The following TLCD4 variants were observed in gnomAD, a reference collection of about 807,000 sequenced individuals.
The protein encoded by TLCD4 is TLC domain containing 4.
A neutral mutation model predicts 24.2 loss-of-function variants in TLCD4; 7 were observed. The observed-to-expected ratio is 0.29, with a 90% confidence interval of 0.16 to 0.54. The LOEUF is 0.54. Ranked by LOEUF, TLCD4 falls within the 20% of genes least tolerant of loss-of-function variation. The pLI is 0.95. For synonymous variants in TLCD4, 103 were observed against 106.4 expected, an observed-to-expected ratio of 0.97 and a Z score of 0.20; for missense variants, 259 against 313.9, an observed-to-expected ratio of 0.82 and a Z score of 1.32.
intron 3 of TLCD4, 148 bp downstream of exon 3, chr1:95,148,939 C>A: frequency 8.7e-7 from 1 of 1,145,182 alleles, no homozygotes; most frequent in Non-Finnish European, 1.2e-6. Flanking sequence ...TAGCAAAGTG[C>A]ATTTAAATGA....
chr1:95,097,659 C>T, the TLCD4 span, among the ~76,000 whole-genome samples: 1 of 152,228 alleles, frequency 6.6e-6, no homozygotes, highest in Non-Finnish European at 1.5e-5. Flanking sequence ...CACCAGGAAT[C>T]AGGAACAGAG....
chr1:95,110,140 T>C, the TLCD4 span, among the ~76,000 whole-genome samples: 12 of 150,976 alleles, frequency 7.9e-5, no homozygotes, highest in African/African-American at 2.4e-4. Context: ...TATATATATT[T>C]CACTTGATTT....
intron 5 of TLCD4, among the ~76,000 whole-genome samples, chr1:95,171,131 T>TA (rs1678204837): frequency 6.6e-6 from 1 of 152,176 alleles, no homozygotes; most frequent in South Asian, 2.1e-4. Context: ...TAAATTTTTG[T>TA]ATAGAGATGG....
chr1:95,169,392 A>C (rs1678130576), intron 5 of TLCD4, among the ~76,000 whole-genome samples: 1 of 152,210 alleles, frequency 6.6e-6, no homozygotes, highest in Non-Finnish European at 1.5e-5. Context: ...AATTCAAGAG[A>C]CAATTTCCTC....
the TLCD4 span, among the ~76,000 whole-genome samples, chr1:95,108,126 T>C: frequency 6.6e-6 from 1 of 152,146 alleles, no homozygotes; most frequent in Non-Finnish European, 1.5e-5. Context: ...GTCTTTTTCT[T>C]CTTTGATATA....
chr1:95,138,939 G>C (rs1677119945), intron 1 of TLCD4, among the ~76,000 whole-genome samples: 1 of 151,066 alleles, frequency 6.6e-6, no homozygotes, highest in Non-Finnish European at 1.5e-5. Flanking sequence ...TGTAATCCCA[G>C]TGGTTTGGGA....
At chr1:95,100,055 G>A in the TLCD4 span, among the ~76,000 whole-genome samples, 7,091 of 151,760 alleles carry the variant, frequency 0.047, 216 homozygotes, top group Non-Finnish European at 0.071. Flanking sequence ...TGGGAGGATC[G>A]CTTGAGCCTA....
At chr1:95,102,220 A>G in the TLCD4 span, among the ~76,000 whole-genome samples, 2 of 152,196 alleles carry the variant, frequency 1.3e-5, no homozygotes, top group Non-Finnish European at 2.9e-5. Flanking sequence ...TGTGTGAAAC[A>G]TGTGGTACTG....
chr1:95,176,696 G>A (rs1162967604), intron 6 of TLCD4, among the ~76,000 whole-genome samples: 1 of 152,038 alleles, frequency 6.6e-6, no homozygotes, highest in African/African-American at 2.4e-5. Flanking sequence ...TGTGCTTTTG[G>A]TATCATATCC....
chr1:95,100,683 A>G, the TLCD4 span, among the ~76,000 whole-genome samples: 1 of 152,174 alleles, frequency 6.6e-6, no homozygotes, highest in South Asian at 2.1e-4. Context: ...CCATTTTACA[A>G]CTCAGTATAA....
intron 5 of TLCD4, among the ~76,000 whole-genome samples, chr1:95,156,219 G>A (rs1205940998): frequency 6.6e-6 from 1 of 152,026 alleles, no homozygotes; most frequent in East Asian, 1.9e-4. Context: ...AGATAGATGG[G>A]ATTTAAACCC....
rs1386192173 is a variant in TLCD4, at chr1:95,168,698, C to T, written c.400-5118C>T. On this transcript the variant is annotated intron_variant, in intron 5 of 6. Coordinates refer to ENST00000370203, the MANE Select transcript of TLCD4 (RefSeq NM_152487.3). ...AGCCAAAGGCTAATATTCTGATAAT[C>T]CTCTCTCCCACTCAGAAATAGGCCT... Among the ~76,000 whole-genome samples, 9 of 151,484 alleles carry T rather than the reference C, an allele frequency of 5.9e-5. No individual in the cohort carries two copies. The East Asian group carries it at 1.6e-3, about 26-fold the overall frequency.
In TLCD4 at chr1:95,194,567, T is replaced by A. The variant is rs1163458887; in HGVS notation, c.*2699T>A. On this transcript the variant is annotated 3_prime_UTR_variant, in exon 7 of 7. Coordinates refer to ENST00000370203, the MANE Select transcript of TLCD4 (RefSeq NM_152487.3). Reference sequence around the variant, plus strand: ...GATATTTAACAACTCTATTAAAATATTTATAGAAAAATAAAAGCAAATTGA... The same window carrying A: ...GATATTTAACAACTCTATTAAAATAATTATAGAAAAATAAAAGCAAATTGA... 4 of 152,126 alleles carry A rather than the reference T, an allele frequency of 2.6e-5. No individual in the cohort carries two copies. Among genetic ancestry groups the A allele is most frequent in the African/African-American group, 9.6e-5 (4 of 41,456 alleles). The allele number at this position is 152,126 out of a possible 1,614,324, so 9.4% of individuals were successfully genotyped here.
chr1:95,133,352 T>A (rs1676950929), intron 1 of TLCD4, among the ~76,000 whole-genome samples: 1 of 151,018 alleles, frequency 6.6e-6, no homozygotes, highest in Non-Finnish European at 1.5e-5. Context: ...ACCTGCACGT[T>A]GTGCACATGT....
chr1:95,158,400 C>T (rs2027199), intron 5 of TLCD4, among the ~76,000 whole-genome samples: 49,829 of 151,652 alleles, frequency 0.33, 9,917 homozygotes, highest in East Asian at 0.62. Flanking sequence ...CCAGGCTGGT[C>T]TCAAACTGCT....
At chr1:95,153,286 A>G (rs778054372) in intron 5 of TLCD4, among the ~76,000 whole-genome samples, 75 of 152,250 alleles carry the variant, frequency 4.9e-4, no homozygotes, top group Middle Eastern at 6.8e-3. Context: ...AAAAGTTGTC[A>G]AAAGGGTAAA....
At chr1:95,115,283 T>C (rs1423647094), upstream of TLCD4, among the ~76,000 whole-genome samples, 1 of 151,958 alleles carries the variant, frequency 6.6e-6, no homozygotes, top group Admixed American at 6.6e-5. Flanking sequence ...ATTTTTTATA[T>C]TTTTAGTAGA....
chr1:95,165,205 A>C (rs1450847706), intron 5 of TLCD4: 1 of 152,188 alleles, frequency 6.6e-6, no homozygotes, highest in Non-Finnish European at 1.5e-5. Context: ...ATACCTAAGA[A>C]AGCGAAGGAG....
In TLCD4 at chr1:95,173,742, G is replaced by A. The variant is rs145001429; in HGVS notation, c.400-74G>A. On this transcript the variant is annotated intron_variant, in intron 5 of 6. Coordinates refer to ENST00000370203, the MANE Select transcript of TLCD4 (RefSeq NM_152487.3). ...TGTTATATTATGCTGAGAAGCTATT[G>A]GATATTTCTACGGTATTTGGGAATT... The A allele has an allele frequency of 9.3e-5, 148 of 1,590,504 alleles. No individual in the cohort carries two copies. In the African/African-American group the frequency reaches 1.8e-3, roughly 19 times the overall value.
Sources: gnomAD v4.1 joint callset for allele counts (sites outside exome capture counted in the v4.1 genomes callset) on GRCh38, gnomAD v4.1.1 for gene constraint, MANE v1.5 for transcripts, NCBI Gene and HGNC (gene_info 2026-07-23, HGNC 2026-07-21) for gene names.